The following SPAG16 variants were observed in gnomAD, a reference collection of about 807,000 sequenced individuals.
The protein encoded by SPAG16 is sperm associated antigen 16.
SPAG16 carries 86 observed loss-of-function variants against 80.4 expected under a neutral mutation model. That is an observed-to-expected ratio of 1.07 (90% CI 0.90 to 1.28). The LOEUF (loss-of-function observed/expected upper bound fraction) is 1.28, where lower values mean the gene tolerates loss of function less well. SPAG16 is among the 50% of genes most tolerant of loss of function. SPAG16 has a pLI of 0.00. For synonymous variants in SPAG16, 294 were observed against 265.9 expected, an observed-to-expected ratio of 1.11 and a Z score of -1.03; for missense variants, 870 against 765.3, an observed-to-expected ratio of 1.14 and a Z score of -1.61.
At chr2:213,780,573 T>TTC (rs1162554062) in intron 10 of SPAG16, among the ~76,000 whole-genome samples, 35 of 146,160 alleles carry the variant, frequency 2.4e-4, no homozygotes, top group Admixed American at 1.6e-3. Flanking sequence ...TTTTCTTTCT[T>TTC]TTTTTTTTTT....
At chr2:214,222,151 G>C (rs907563432) in intron 15 of SPAG16, among the ~76,000 whole-genome samples, 1 of 119,186 alleles carries the variant, frequency 8.4e-6, no homozygotes, top group African/African-American at 3.1e-5. Flanking sequence ...AGTTTCGCTC[G>C]TCTCACTCAG....
At chr2:213,796,211 A>T (rs2071019547) in intron 10 of SPAG16, among the ~76,000 whole-genome samples, 1 of 152,004 alleles carries the variant, frequency 6.6e-6, no homozygotes, top group South Asian at 2.1e-4. Flanking sequence ...TTAATTCTAC[A>T]ATGTAAGGAT....
At chr2:213,365,195 AAACATTTCTAGATATGAATAGG>A (rs1300331579) in intron 8 of SPAG16, 1 of 152,220 alleles carries the variant, frequency 6.6e-6, no homozygotes, top group Admixed American at 6.5e-5. Context: ...GTACATAATT[AAACATTTCTAGATATGAATAGG>A]AACAGGAAAA....
intron 13 of SPAG16, among the ~76,000 whole-genome samples, chr2:214,086,615 T>C (rs2051779889): frequency 6.6e-6 from 1 of 152,148 alleles, no homozygotes; most frequent in Non-Finnish European, 1.5e-5. Context: ...CGTGATTATG[T>C]TTCCTGAGGC....
At chr2:213,787,356 C>A (rs1444206734) in intron 10 of SPAG16, among the ~76,000 whole-genome samples, 3 of 151,944 alleles carry the variant, frequency 2.0e-5, no homozygotes, top group African/African-American at 7.2e-5. Flanking sequence ...ATAAATAGAC[C>A]AAGAGCTACT....
chr2:214,010,583 T>A (rs1265173217), intron 12 of SPAG16, among the ~76,000 whole-genome samples: 1 of 146,784 alleles, frequency 6.8e-6, no homozygotes, highest in East Asian at 2.0e-4. Flanking sequence ...GAGACTAGAC[T>A]GACCTCAGAC....
At chr2:213,649,153 A>T (rs1003315123) in intron 10 of SPAG16, among the ~76,000 whole-genome samples, 3 of 152,230 alleles carry the variant, frequency 2.0e-5, no homozygotes, top group Non-Finnish European at 4.4e-5. Context: ...GAAAACTAAG[A>T]GATAAGTTAA....
At chr2:214,052,459 A>G (rs1448150525) in intron 13 of SPAG16, among the ~76,000 whole-genome samples, 2 of 152,192 alleles carry the variant, frequency 1.3e-5, no homozygotes, top group African/African-American at 2.4e-5. Flanking sequence ...ATTCATTTCC[A>G]GATAATTCAT....
chr2:213,362,583 T>C (rs1281471936), intron 7 of SPAG16, among the ~76,000 whole-genome samples: 11 of 152,208 alleles, frequency 7.2e-5, no homozygotes, highest in African/African-American at 2.7e-4. Context: ...TGATGTAATA[T>C]GCTAATAATG....
At position 213,862,479 on chromosome 2, in the gene SPAG16, G is replaced by C. The variant is rs758791022; in HGVS notation, c.1071-6G>C. On this transcript the variant is annotated splice_region_variant and splice_polypyrimidine_tract_variant and intron_variant, in intron 10 of 15. Transcript: ENST00000331683. ...CCATAACTCTTTTTTCTTTCTCCTC[G>C]CGCAGTGTCTCCATGCAACCCCACA... 2 of 1,612,130 alleles carry C rather than the reference G, an allele frequency of 1.2e-6. No individual in the cohort carries two copies. The highest frequency in any genetic ancestry group is 1.3e-5 in the African/African-American group (1 of 74,748).
At chr2:213,725,484 A>G (rs2066727541) in intron 10 of SPAG16, among the ~76,000 whole-genome samples, 1 of 152,154 alleles carries the variant, frequency 6.6e-6, no homozygotes, top group South Asian at 2.1e-4. Flanking sequence ...CTGCAGTTGG[A>G]GTCACTACAA....
chr2:214,371,758 G>T (rs572310214), intron 15 of SPAG16, among the ~76,000 whole-genome samples: 5 of 147,818 alleles, frequency 3.4e-5, no homozygotes, highest in Middle Eastern at 3.6e-3. Flanking sequence ...TTGGCTCACT[G>T]CAACCTCCGC....
intron 11 of SPAG16, among the ~76,000 whole-genome samples, chr2:213,924,336 C>A (rs140278946): frequency 1.3e-5 from 2 of 152,198 alleles, no homozygotes; most frequent in Non-Finnish European, 2.9e-5. Context: ...CAGGTCTCTG[C>A]AGAGAGCATG....
chr2:213,668,904 T>C (rs1559359621), intron 10 of SPAG16, among the ~76,000 whole-genome samples: 1 of 152,258 alleles, frequency 6.6e-6, no homozygotes, highest in East Asian at 1.9e-4. Flanking sequence ...TGCCTCGGCC[T>C]CCCTAAGTGC....
intron 15 of SPAG16, among the ~76,000 whole-genome samples, chr2:214,259,740 T>C (rs962024819): frequency 4.6e-5 from 7 of 152,098 alleles, no homozygotes; most frequent in African/African-American, 7.2e-5. Context: ...ATTCCTAAAT[T>C]TGGTTGTTTT....
intron 12 of SPAG16, among the ~76,000 whole-genome samples, chr2:213,976,229 T>C (rs1430617805): frequency 1.3e-5 from 2 of 150,750 alleles, no homozygotes; most frequent in Non-Finnish European, 3.0e-5. Context: ...CATATACATA[T>C]ATACACGTGT....
chr2:213,419,585 T>C (rs1389246258), intron 9 of SPAG16, among the ~76,000 whole-genome samples: 1 of 152,204 alleles, frequency 6.6e-6, no homozygotes, highest in African/African-American at 2.4e-5. Flanking sequence ...TATAATGATG[T>C]CCAATAACAT....
intron 5 of SPAG16, among the ~76,000 whole-genome samples, chr2:213,334,462 C>T (rs1160273456): frequency 6.6e-6 from 1 of 152,096 alleles, no homozygotes; most frequent in South Asian, 2.1e-4. Flanking sequence ...GGTGTATATA[C>T]CCAAAAGAAA....
At chr2:214,196,795 T>G (rs889802273) in intron 15 of SPAG16, among the ~76,000 whole-genome samples, 3 of 152,054 alleles carry the variant, frequency 2.0e-5, no homozygotes, top group African/African-American at 7.2e-5. Context: ...AAGAATAATG[T>G]AGGGAAAACC....
Sources: allele counts gnomAD v4.1 joint callset (sites outside exome capture counted in the v4.1 genomes callset), GRCh38; gene constraint gnomAD v4.1.1; transcripts MANE v1.5; gene names NCBI Gene and HGNC (gene_info 2026-07-23, HGNC 2026-07-21).